Variants in RPS6KC1 observed in about 807,000 individuals in gnomAD.
RPS6KC1 encodes the protein ribosomal protein S6 kinase C1.
In RPS6KC1, 54 loss-of-function variants were observed where a neutral mutation model predicts 103.8. That is an observed-to-expected ratio of 0.52 (90% CI 0.42 to 0.65). The LOEUF is 0.65. RPS6KC1 is among the 30% of genes least tolerant of loss of function. The pLI, the probability that RPS6KC1 is intolerant of heterozygous loss-of-function variation, is 0.00. For missense variants in RPS6KC1, 1,151 were observed against 1,253.8 expected (o/e 0.92, Z 1.24); for synonymous variants, 439 against 438.7 (o/e 1.00, Z -0.01).
chr1:213,416,520 G>A, the RPS6KC1 span, among the ~76,000 whole-genome samples: 8 of 152,322 alleles, frequency 5.3e-5, no homozygotes, highest in Admixed American at 3.9e-4. Flanking sequence ...AAAGGGTAGC[G>A]TGAAAATCAG....
the RPS6KC1 span, among the ~76,000 whole-genome samples, chr1:213,389,890 G>A: frequency 1.3e-5 from 2 of 152,128 alleles, no homozygotes; most frequent in Non-Finnish European, 2.9e-5. Context: ...AATACACAGA[G>A]CATGCTTCTT....
At chr1:213,828,815 G>A in the RPS6KC1 span, among the ~76,000 whole-genome samples, 1 of 152,164 alleles carries the variant, frequency 6.6e-6, no homozygotes, top group East Asian at 1.9e-4. Context: ...CAGTGGATGG[G>A]TTATTTGGTA....
chr1:213,217,235 T>G (rs935369083), intron 8 of RPS6KC1, among the ~76,000 whole-genome samples: 3 of 151,714 alleles, frequency 2.0e-5, no homozygotes, highest in African/African-American at 7.3e-5. Context: ...CAGAGAATAC[T>G]ATAAACACCT....
At chr1:213,576,656 C>T in the RPS6KC1 span, among the ~76,000 whole-genome samples, 2 of 152,124 alleles carry the variant, frequency 1.3e-5, no homozygotes, top group Admixed American at 1.3e-4. Context: ...CCTCAGGCCA[C>T]CCTATTCCTG....
At chr1:213,825,229 C>T in the RPS6KC1 span, among the ~76,000 whole-genome samples, 1 of 152,172 alleles carries the variant, frequency 6.6e-6, no homozygotes, top group Non-Finnish European at 1.5e-5. Context: ...GGAATACCCC[C>T]AGGGTCCCCT....
chr1:213,717,728 A>G, the RPS6KC1 span, among the ~76,000 whole-genome samples: 1 of 152,238 alleles, frequency 6.6e-6, no homozygotes, highest in Non-Finnish European at 1.5e-5. Flanking sequence ...CAGGTGATGC[A>G]TGGCTAACAG....
chr1:213,086,948 C>A (rs1247980142), intron 3 of RPS6KC1, among the ~76,000 whole-genome samples: 3 of 152,032 alleles, frequency 2.0e-5, no homozygotes, highest in African/African-American at 7.2e-5. Flanking sequence ...ACTCTCCTCC[C>A]ACCTCCTGGT....
At chr1:213,681,310 G>T in the RPS6KC1 span, among the ~76,000 whole-genome samples, 2 of 152,210 alleles carry the variant, frequency 1.3e-5, no homozygotes, top group Non-Finnish European at 2.9e-5. Context: ...GTCTCCATAG[G>T]TAGAAAACAG....
chr1:213,828,339 T>C, the RPS6KC1 span, among the ~76,000 whole-genome samples: 3 of 152,294 alleles, frequency 2.0e-5, no homozygotes, highest in African/African-American at 4.8e-5. Context: ...CCGCAGGGCA[T>C]GTCTAGACTC....
intron 1 of RPS6KC1, among the ~76,000 whole-genome samples, chr1:213,056,824 A>G (rs1338547136): frequency 2.7e-5 from 4 of 147,068 alleles, no homozygotes; most frequent in Non-Finnish European, 5.9e-5. Flanking sequence ...TGCTCATCTC[A>G]GGTGTCAGCT....
At chr1:213,789,443 C>G in the RPS6KC1 span, among the ~76,000 whole-genome samples, 2 of 152,174 alleles carry the variant, frequency 1.3e-5, no homozygotes, top group Admixed American at 1.3e-4. Flanking sequence ...CATGAGCTGT[C>G]AAGGACCACA....
At chr1:213,832,147 A>G in the RPS6KC1 span, among the ~76,000 whole-genome samples, 1 of 152,296 alleles carries the variant, frequency 6.6e-6, no homozygotes, top group Admixed American at 6.5e-5. Flanking sequence ...CTGGAGTTTG[A>G]GTAGCTATAA....
chr1:213,262,032 C>T (rs536468667), intron 13 of RPS6KC1, among the ~76,000 whole-genome samples: 4 of 152,174 alleles, frequency 2.6e-5, no homozygotes, highest in East Asian at 1.9e-4. Flanking sequence ...AGAAAATTAA[C>T]GTAGATATTA....
At chr1:213,793,142 G>A in the RPS6KC1 span, among the ~76,000 whole-genome samples, 1 of 152,152 alleles carries the variant, frequency 6.6e-6, no homozygotes, top group Non-Finnish European at 1.5e-5. Flanking sequence ...AGGTTCGGTC[G>A]TGACATTGGT....
At chr1:213,084,355 G>A (rs776752256) in intron 3 of RPS6KC1, among the ~76,000 whole-genome samples, 12 of 152,042 alleles carry the variant, frequency 7.9e-5, no homozygotes, top group Non-Finnish European at 1.5e-4. Flanking sequence ...CTGAAGCCTC[G>A]ACTTCCCAGA....
the RPS6KC1 span, among the ~76,000 whole-genome samples, chr1:213,760,931 TGG>T: frequency 7.6e-6 from 1 of 131,594 alleles, no homozygotes; most frequent in Non-Finnish European, 1.6e-5. Flanking sequence ...TCATCGCATT[TGG>T]GGGGAAAATG....
chr1:213,217,964 A>T (rs2093713718), intron 8 of RPS6KC1, among the ~76,000 whole-genome samples: 1 of 152,230 alleles, frequency 6.6e-6, no homozygotes, highest in Non-Finnish European at 1.5e-5. Context: ...AACTGGCACA[A>T]GACAGGGATA....
At chr1:213,699,681 C>T in the RPS6KC1 span, among the ~76,000 whole-genome samples, 6 of 152,074 alleles carry the variant, frequency 3.9e-5, no homozygotes, top group Non-Finnish European at 7.4e-5. Context: ...ACAAAGATTC[C>T]GTTTTCTTCA....
intron 10 of RPS6KC1, among the ~76,000 whole-genome samples, chr1:213,237,923 G>C (rs888307559): frequency 6.6e-6 from 1 of 151,650 alleles, no homozygotes; most frequent in Non-Finnish European, 1.5e-5. Flanking sequence ...AAGAACGTAC[G>C]GCCCCCAAAA....
Sources: gnomAD v4.1 joint callset for allele counts (sites outside exome capture counted in the v4.1 genomes callset) on GRCh38, gnomAD v4.1.1 for gene constraint, MANE v1.5 for transcripts, NCBI Gene and HGNC (gene_info 2026-07-23, HGNC 2026-07-21) for gene names.